MACF1: variants seen among roughly 807,000 people sequenced by gnomAD.
MACF1 encodes microtubule actin crosslinking factor 1, also known as microtubule-actin cross-linking factor 1.
MACF1 carries 193 observed loss-of-function variants against 854.8 expected under a neutral mutation model. That is an observed-to-expected ratio of 0.23 (90% confidence interval 0.20 to 0.25). MACF1 has a LOEUF of 0.25. MACF1 is among the 10% of genes least tolerant of loss of function. The pLI is 1.00. For synonymous variants in MACF1, 3,185 were observed against 3,226.7 expected (o/e 0.99, Z 0.44); for missense variants, 7,722 against 8,929.1 (o/e 0.86, Z 5.45).
At chr1:39,220,156 TA>T (rs2148289062) in intron 1 of MACF1, among the ~76,000 whole-genome samples, 1 of 152,238 alleles carries the variant, frequency 6.6e-6, no homozygotes, top group African/African-American at 2.4e-5. Context: ...ATGGTTGTCC[TA>T]AATGTTGGAT....
chr1:39,268,452 G>A (rs769794333), intron 6 of MACF1: 3 of 1,077,990 alleles, frequency 2.8e-6, no homozygotes, highest in African/African-American at 1.7e-5. Flanking sequence ...AGTGATTTCT[G>A]AACTGCAGTG....
chr1:39,409,441 T>G lies in MACF1; in HGVS notation c.15817-12933T>G, dbSNP rs1486429554. The G allele has an allele frequency of 6.6e-6, 1 of 151,786 alleles. No individual in the cohort carries two copies. The highest frequency in any genetic ancestry group is 1.5e-5 in the Non-Finnish European group (1 of 67,998). 9.4% of individuals were successfully genotyped at this position (151,786 alleles called of 1,614,324 possible). ...GCCTGCGGTGAGGCGACCCTGGCCC[T>G]CGGGGCGCGCGGCATGGCGCGGGGA... On this transcript the variant is annotated intron_variant, in intron 58 of 100. Transcript: ENST00000564288. The surrounding 1 kb of genome is among the most constrained non-coding windows in gnomAD (Gnocchi z 4.2).
chr1:39,120,842 TA>T (rs1642685754), intron 2 of MACF1: 1 of 152,254 alleles, frequency 6.6e-6, no homozygotes. Flanking sequence ...ACAATCTAAT[TA>T]CACTCTAAGT....
At chr1:39,477,090 T>TATATATACAC (rs1350608847) in intron 97 of MACF1, among the ~76,000 whole-genome samples, 2 of 26,254 alleles carry the variant, frequency 7.6e-5, no homozygotes, top group Non-Finnish European at 1.4e-4. Flanking sequence ...TATATATATA[T>TATATATACAC]ACACACACAC....
At chr1:39,235,882 A>T (rs1264230092) in intron 2 of MACF1, among the ~76,000 whole-genome samples, 1 of 152,148 alleles carries the variant, frequency 6.6e-6, no homozygotes, top group East Asian at 1.9e-4. Flanking sequence ...TTATAGGCAC[A>T]TGCCACTGTG....
At chr1:39,167,588 C>T (rs921685430) in intron 2 of MACF1, among the ~76,000 whole-genome samples, 5 of 152,094 alleles carry the variant, frequency 3.3e-5, no homozygotes, top group Admixed American at 6.5e-5. Flanking sequence ...TGCCTGTAAT[C>T]CCAGCTACTC....
intron 58 of MACF1, chr1:39,412,613 C>CCTTT (rs1368796519): frequency 1.2e-6 from 2 of 1,613,844 alleles, no homozygotes; most frequent in African/African-American, 2.7e-5. Context: ...GTGAATGATA[C>CCTTT]AAAGCCTGAG....
intron 20 of MACF1, 102 bp from the exon 21 acceptor site, chr1:39,297,518 C>T: frequency 7.3e-7 from 1 of 1,379,114 alleles, no homozygotes; most frequent in Non-Finnish European, 1.0e-6. Flanking sequence ...AGGGTGTAAT[C>T]AGCTTTGCTA....
At chr1:39,298,778 C>T in intron 21 of MACF1, 1 of 370,392 alleles carries the variant, frequency 2.7e-6, no homozygotes. Flanking sequence ...TAAAATGTCT[C>T]TCTCAGAGGT....
At chr1:39,268,452 G>T (rs769794333) in intron 6 of MACF1, 2 of 1,077,990 alleles carry the variant, frequency 1.9e-6, no homozygotes, top group Non-Finnish European at 2.3e-6. Flanking sequence ...AGTGATTTCT[G>T]AACTGCAGTG....
At chr1:39,146,449 CAAA>C (rs775912882) in intron 2 of MACF1, among the ~76,000 whole-genome samples, 4 of 93,024 alleles carry the variant, frequency 4.3e-5, no homozygotes, top group Admixed American at 1.2e-4. Context: ...TCTCCTCTCC[CAAA>C]AAAAAAAAAA....
intron 1 of MACF1, among the ~76,000 whole-genome samples, chr1:39,211,079 G>A (rs1644509569): frequency 6.6e-6 from 1 of 151,932 alleles, no homozygotes; most frequent in Non-Finnish European, 1.5e-5. Context: ...TGATTCTCCT[G>A]CCTCAGCCTC....
chr1:39,469,804 G>A (rs1644742792), intron 97 of MACF1, among the ~76,000 whole-genome samples, 189 bp downstream of exon 97: 1 of 152,190 alleles, frequency 6.6e-6, no homozygotes, highest in Non-Finnish European at 1.5e-5. Context: ...AGTGTCCATG[G>A]AATTTGTTTT....
chr1:39,208,038 C>T (rs146344339), intron 1 of MACF1, among the ~76,000 whole-genome samples: 1 of 149,532 alleles, frequency 6.7e-6, no homozygotes, highest in South Asian at 2.1e-4. Context: ...GAGGCTGAGG[C>T]AGGAGAACAG....
intron 15 of MACF1, among the ~76,000 whole-genome samples, chr1:39,287,899 G>A (rs964737112): frequency 6.6e-6 from 1 of 152,094 alleles, no homozygotes; most frequent in African/African-American, 2.4e-5. Flanking sequence ...TCACAGTCCC[G>A]TACTGAATAG....
intron 51 of MACF1, 37 bp from the exon 52 acceptor site, chr1:39,372,442 C>G (rs897212392): frequency 8.0e-7 from 1 of 1,243,360 alleles, no homozygotes; most frequent in African/African-American, 1.5e-5. Flanking sequence ...GGAAAAAGCC[C>G]CAGATACTAC....
Position 39,344,598 on chromosome 1 carries a change from C to T in MACF1, c.10582-2379C>T, listed in dbSNP as rs189743835. ...TTACGTTTCTCCTCCCCTGATTCTT[C>T]CCTTGGGGTGGGCTGTCTGCATGTG... is the stretch of plus-strand genomic sequence containing the variant. On this transcript the variant is annotated intron_variant, in intron 40 of 100. Transcript: ENST00000564288. 2.3e-3 allele frequency among the ~76,000 whole-genome samples: 352 copies of T among 152,258 alleles called. 3 individuals are homozygous for T. The highest frequency in any genetic ancestry group is 8.0e-3 in the African/African-American group (334 of 41,554).
rs1291598485 is a variant in MACF1 at position 39,388,597 on chromosome 1, C to T, written c.15755C>T (p.Ala5252Val). 1 of 1,612,942 alleles carries T rather than the reference C, an allele frequency of 6.2e-7. No homozygotes were observed. Among genetic ancestry groups the T allele is most frequent in the Non-Finnish European group, 8.5e-7 (1 of 1,179,646 alleles). Residue 5252 changes from alanine to valine, a missense_variant, in exon 58 of 101, where the codon GCC (alanine) becomes GTC (valine). By Grantham distance (64) the Ala-to-Val change is moderately conservative. Coordinates refer to ENST00000564288, the MANE Select transcript of MACF1 (RefSeq NM_001394062.1). ...ACCACAGCAGCAGAGGAGGCAGAGG[C>T]CCTCCAGTGGGTAGTGGGGACCGAA... Reference protein sequence around the residue: ...DATTAAEEAEALQWVVGTEVE... With the variant: ...DATTAAEEAEVLQWVVGTEVE...
chr1:39,432,253 C>G lies in MACF1; in HGVS notation c.17338-282C>G, dbSNP rs188652161. On this transcript the variant is annotated intron_variant, in intron 66 of 100. Transcript: ENST00000564288. Reference sequence around the variant, plus strand: ...GGAAGAGTGTAGTCTCATAAAAACACTGATTAGAGGCATCTTTCTTTTGAA... The same window carrying G: ...GGAAGAGTGTAGTCTCATAAAAACAGTGATTAGAGGCATCTTTCTTTTGAA... 3.2e-4 allele frequency among the ~76,000 whole-genome samples: 48 copies of G among 152,264 alleles called. 1 individual carries two copies. Among genetic ancestry groups the G allele is most frequent in the African/African-American group, 1.1e-3 (47 of 41,538 alleles).
Sources: gnomAD v4.1 joint callset for allele counts (sites outside exome capture counted in the v4.1 genomes callset) on GRCh38, gnomAD v4.1.1 for gene constraint, Gnocchi (gnomAD v3.1) non-coding constraint, MANE v1.5 for transcripts, NCBI Gene and HGNC (gene_info 2026-07-23, HGNC 2026-07-21) for gene names.